The following SCAI variants were observed in gnomAD, a reference collection of about 807,000 sequenced individuals.
SCAI encodes protein SCAI.
In SCAI, 24 loss-of-function variants were observed where a neutral mutation model predicts 92.2. The ratio of observed to expected loss-of-function variants is 0.26; its 90% CI spans 0.19 to 0.37. SCAI has a LOEUF of 0.37. Among genes scored for constraint, SCAI ranks in the 10% least tolerant of loss-of-function variants. The probability of loss-of-function intolerance (pLI) is 1.00; values close to 1 mark genes in which losing one functional copy is unlikely to be tolerated. For synonymous variants in SCAI, 261 were observed against 258.6 expected, an observed-to-expected ratio of 1.01 and a Z score of -0.09; for missense variants, 450 against 736.2, an observed-to-expected ratio of 0.61 and a Z score of 4.50.
chr9:125,082,067 G>A (rs892353895), intron 2 of SCAI, among the ~76,000 whole-genome samples: 5 of 152,140 alleles, frequency 3.3e-5, no homozygotes, highest in South Asian at 2.1e-4. Context: ...AGATCTTCAC[G>A]GCAGCCCCTC....
chr9:125,002,156 T>C (rs779002832), intron 11 of SCAI, 113 bp from the exon 12 acceptor site: 14 of 737,906 alleles, frequency 1.9e-5, no homozygotes, highest in African/African-American at 3.5e-5. Context: ...TGCACTGTTG[T>C]CTTTTCCAAG....
intron 17 of SCAI, among the ~76,000 whole-genome samples, chr9:124,969,829 A>G (rs1831617294): frequency 6.6e-6 from 1 of 152,208 alleles, no homozygotes; most frequent in South Asian, 2.1e-4. Context: ...TGTACCAGGA[A>G]ACTGATACAA....
Position 124,942,687 on chromosome 9 carries a change from A to T in SCAI, c.*10120T>A, listed in dbSNP as rs1342386366. ...ATTCAAGGTACAAAATTCATGTACA[A>T]GAGTTCACACCTGATGAATGTAGAC... is the stretch of plus-strand genomic sequence containing the variant. On this transcript the variant is annotated 3_prime_UTR_variant, in exon 18 of 18. Coordinates refer to ENST00000336505, the MANE Select transcript of SCAI (RefSeq NM_001144877.3). 1.3e-5 allele frequency: 2 copies of T among 152,280 alleles called. No individual in the cohort carries two copies. The highest frequency in any genetic ancestry group is 2.9e-5 in the Non-Finnish European group (2 of 68,048). 9.4% of individuals were successfully genotyped at this position (152,280 alleles called of 1,614,324 possible).
intron 2 of SCAI, among the ~76,000 whole-genome samples, chr9:125,061,275 C>A (rs901142503): frequency 5.9e-5 from 9 of 151,606 alleles, no homozygotes; most frequent in African/African-American, 2.2e-4. Flanking sequence ...CCAGCCTGGG[C>A]GATACAGCGA....
chr9:125,030,010 C>T (rs1019284290), intron 3 of SCAI, among the ~76,000 whole-genome samples: 5 of 152,182 alleles, frequency 3.3e-5, no homozygotes, highest in Admixed American at 3.3e-4. Flanking sequence ...TCTTCCCTCT[C>T]CCTCGGTGAT....
chr9:125,137,992 A>G (rs1835576110), intron 2 of SCAI, among the ~76,000 whole-genome samples: 1 of 152,322 alleles, frequency 6.6e-6, no homozygotes, highest in East Asian at 1.9e-4. Flanking sequence ...TTACTCCAGA[A>G]AACTCAGAGC....
chr9:124,997,719 T>C lies in SCAI; in HGVS notation c.1244+2172A>G, dbSNP rs569990209. 1.1e-4 allele frequency among the ~76,000 whole-genome samples: 17 copies of C among 151,882 alleles called. No homozygotes were observed. The East Asian group carries it at 3.1e-3, about 28-fold the overall frequency. On this transcript the variant is annotated intron_variant, in intron 13 of 17. Transcript: ENST00000336505. ...GGTGAAACCCCATCTCTACTAAAAA[T>C]ACAAAAATTAGCTGGGTGTGGTGAT... is the stretch of plus-strand genomic sequence containing the variant.
At chr9:125,082,466 C>T (rs765622432) in intron 2 of SCAI, among the ~76,000 whole-genome samples, 3 of 152,246 alleles carry the variant, frequency 2.0e-5, no homozygotes, top group Non-Finnish European at 2.9e-5. Flanking sequence ...CCTACTTGGG[C>T]ACTGCCTAGT....
intron 14 of SCAI, among the ~76,000 whole-genome samples, chr9:124,987,123 A>G (rs1332191801): frequency 6.6e-6 from 1 of 152,138 alleles, no homozygotes; most frequent in Non-Finnish European, 1.5e-5. Flanking sequence ...TCCCAGGTTC[A>G]AGAGATTCTC....
chr9:124,999,496 AC>A (rs1832314615), intron 13 of SCAI, among the ~76,000 whole-genome samples: 2 of 152,096 alleles, frequency 1.3e-5, no homozygotes, highest in Admixed American at 6.6e-5. Flanking sequence ...ATCAAGACTG[AC>A]CTGAGTGACA....
rs1230217812 is a variant in SCAI, at chr9:124,947,666, CAG to C, written c.*5139_*5140del. On this transcript the variant is annotated 3_prime_UTR_variant, in exon 18 of 18. Transcript: ENST00000336505. ...TATACATATATACAAAAAGTATACA[CAG>C]AGATTGCATGTAGCATCACAAAAAT... 2.6e-5 allele frequency: 4 copies of C among 152,040 alleles called. No homozygotes were observed. Among genetic ancestry groups the C allele is most frequent in the African/African-American group, 7.2e-5 (3 of 41,404 alleles). The allele number at this position is 152,040 out of a possible 1,614,324, so 9.4% of individuals were successfully genotyped here. A position where few individuals can be genotyped will look rare whatever the true frequency, so the allele number is the denominator to read the frequency against.
In SCAI at chr9:125,046,322, C is replaced by T. The variant is rs1221980924; in HGVS notation, c.230+9554G>A. Among the ~76,000 whole-genome samples the T allele has an allele frequency of 5.2e-3, 217 of 41,444 alleles. 3 individuals carry two copies. The highest frequency in any genetic ancestry group is 0.018 in the African/African-American group (202 of 11,502). 27.2% of individuals were successfully genotyped at this position (41,444 alleles called of 152,430 possible). On this transcript the variant is annotated intron_variant, in intron 3 of 17. Coordinates refer to ENST00000336505, the MANE Select transcript of SCAI (RefSeq NM_001144877.3). ...GGCCTATCTCATATATATATACACACACACACACACATATATATATGTGTG... is the reference window on the plus strand; with the variant it reads ...GGCCTATCTCATATATATATACACATACACACACACATATATATATGTGTG...
chr9:125,130,808 AC>A, intron 2 of SCAI, among the ~76,000 whole-genome samples: 1 of 151,850 alleles, frequency 6.6e-6, no homozygotes, highest in East Asian at 1.9e-4. Context: ...TTAATAACGA[AC>A]ATGCTTTCTT....
intron 14 of SCAI, among the ~76,000 whole-genome samples, chr9:124,982,397 C>A (rs1831903434): frequency 6.6e-6 from 1 of 152,068 alleles, no homozygotes; most frequent in East Asian, 1.9e-4. Context: ...TTGGGCCGGG[C>A]ACGGTGGCTC....
chr9:125,016,017 T>C (rs1231471673), intron 9 of SCAI, among the ~76,000 whole-genome samples: 4 of 109,136 alleles, frequency 3.7e-5, no homozygotes, highest in African/African-American at 1.4e-4. Context: ...ACATCACACT[T>C]TGGGGACTGT....
chr9:125,001,369 T>C (rs1231713995), intron 12 of SCAI, among the ~76,000 whole-genome samples: 9 of 152,270 alleles, frequency 5.9e-5, no homozygotes. Context: ...GTTACTTATC[T>C]ATTCTGACCA....
intron 2 of SCAI, among the ~76,000 whole-genome samples, chr9:125,086,986 C>A (rs1208098302): frequency 6.6e-6 from 1 of 152,094 alleles, no homozygotes; most frequent in Non-Finnish European, 1.5e-5. Flanking sequence ...TAATTTACCA[C>A]CTAGACTAGG....
At chr9:124,982,123 C>A (rs1472923526) in intron 14 of SCAI, among the ~76,000 whole-genome samples, 1 of 152,140 alleles carries the variant, frequency 6.6e-6, no homozygotes, top group African/African-American at 2.4e-5. Context: ...GTATCATTAT[C>A]ATAATAATTC....
intron 17 of SCAI, among the ~76,000 whole-genome samples, chr9:124,953,260 GA>G (rs1401411001): frequency 2.0e-5 from 3 of 152,226 alleles, no homozygotes; most frequent in East Asian, 1.9e-4. Flanking sequence ...CTACTGGGGG[GA>G]AAATCCTAAC....
Sources: allele counts gnomAD v4.1 joint callset (sites outside exome capture counted in the v4.1 genomes callset), GRCh38; gene constraint gnomAD v4.1.1; transcripts MANE v1.5; gene names NCBI Gene and HGNC (gene_info 2026-07-23, HGNC 2026-07-21).